CA10: variants seen among roughly 807,000 people sequenced by gnomAD.
CA10 encodes carbonic anhydrase-related protein 10.
In CA10, 14 loss-of-function variants were observed where a neutral mutation model predicts 44.2. The observed-to-expected ratio is 0.32, with a 90% CI of 0.21 to 0.50. The LOEUF (loss-of-function observed/expected upper bound fraction) is 0.50. CA10 is among the 20% of genes least tolerant of loss of function. CA10 has a pLI of 0.99. For synonymous variants in CA10, 159 were observed against 141.6 expected, an observed-to-expected ratio of 1.12 and a Z score of -0.87; for missense variants, 350 against 409.7, an observed-to-expected ratio of 0.85 and a Z score of 1.26.
At chr17:51,885,054 C>T (rs1487668905) in intron 3 of CA10, among the ~76,000 whole-genome samples, 1 of 152,216 alleles carries the variant, frequency 6.6e-6, no homozygotes, top group African/African-American at 2.4e-5. Context: ...ATCACATTCA[C>T]AAGTATCAGG....
Position 51,630,614 on chromosome 17 carries a change from T to G in CA10, c.*970A>C, listed in dbSNP as rs1309827872. On this transcript the variant is annotated 3_prime_UTR_variant, in exon 9 of 9. Coordinates refer to ENST00000451037, the MANE Select transcript of CA10 (RefSeq NM_020178.5). ...GAGTGGAATTAAAGTCATACTTGCT[T>G]AGCAAATGCATTCCTGATTGCCACA... The G allele has an allele frequency of 6.6e-6, 1 of 152,632 alleles. No individual in the cohort carries two copies. Among genetic ancestry groups the G allele is most frequent in the Admixed American group, 6.5e-5 (1 of 15,284 alleles). 9.5% of individuals were successfully genotyped at this position (152,632 alleles called of 1,614,324 possible). A position where few individuals can be genotyped will look rare whatever the true frequency, so the allele number is the denominator to read the frequency against.
chr17:51,886,215 G>A (rs1208516487), intron 3 of CA10, among the ~76,000 whole-genome samples: 1 of 152,202 alleles, frequency 6.6e-6, no homozygotes, highest in East Asian at 1.9e-4. Flanking sequence ...AGCATTGTGG[G>A]TGAATGTGGC....
Position 52,121,778 on chromosome 17 carries a change from G to T in CA10, c.61+35948C>A, listed in dbSNP as rs1989021365. Among the ~76,000 whole-genome samples, 5 of 152,192 alleles carry T rather than the reference G, an allele frequency of 3.3e-5. No individual in the cohort carries two copies. The South Asian group carries it at 1.0e-3, about 32-fold the overall frequency. ...CACAGCTCAGAACACAGTGAAAATT[G>T]TGTTACAAAAGCAAGCCCGTCTCCC... On this transcript the variant is annotated intron_variant, in intron 1 of 8. Transcript: ENST00000451037.
At chr17:51,889,552 C>G (rs1043066829) in intron 3 of CA10, among the ~76,000 whole-genome samples, 5 of 151,904 alleles carry the variant, frequency 3.3e-5, no homozygotes, top group African/African-American at 9.7e-5. Flanking sequence ...CCAAACCAAA[C>G]CAAACAAAAC....
intron 2 of CA10, among the ~76,000 whole-genome samples, chr17:52,036,249 C>G (rs1169761694): frequency 6.6e-6 from 1 of 152,166 alleles, no homozygotes; most frequent in Non-Finnish European, 1.5e-5. Context: ...TGAGATCAGA[C>G]AGCAAGTAAA....
intron 1 of CA10, among the ~76,000 whole-genome samples, chr17:52,096,448 G>A (rs1474368812): frequency 1.3e-5 from 2 of 152,124 alleles, no homozygotes; most frequent in African/African-American, 4.8e-5. Context: ...GGACACTCTG[G>A]TACATCCGAT....
At chr17:52,019,130 A>G (rs1015744669) in intron 2 of CA10, among the ~76,000 whole-genome samples, 1 of 151,960 alleles carries the variant, frequency 6.6e-6, no homozygotes. Context: ...AGACAAATAA[A>G]CCTCTTTTCT....
intron 3 of CA10, among the ~76,000 whole-genome samples, chr17:51,918,184 C>CG (rs1567884717): frequency 6.6e-6 from 1 of 152,168 alleles, no homozygotes; most frequent in Admixed American, 6.5e-5. Context: ...TAAATAGCAA[C>CG]ATACTAAGTA....
intron 7 of CA10, 78 bp downstream of exon 7, chr17:51,635,777 A>C: frequency 1.7e-6 from 2 of 1,161,634 alleles, no homozygotes; most frequent in Non-Finnish European, 2.4e-6. Context: ...AAACTATTAT[A>C]ATAGGCACTC....
rs544053816 is a variant in CA10 at position 51,696,667 on chromosome 17, G to A, written c.466-42931C>T. Among the ~76,000 whole-genome samples, 27 of 152,224 alleles carry A rather than the reference G, an allele frequency of 1.8e-4. No homozygotes were observed. The South Asian group carries it at 5.4e-3, about 30-fold the overall frequency. ...TCTTGTTTTTCTAGTTCCTCTAGGTGTGATGTTAGATTGTTAATCTGAGAT... is the reference window on the plus strand; with the variant it reads ...TCTTGTTTTTCTAGTTCCTCTAGGTATGATGTTAGATTGTTAATCTGAGAT... On this transcript the variant is annotated intron_variant, in intron 4 of 8. Transcript: ENST00000451037.
intron 4 of CA10, among the ~76,000 whole-genome samples, chr17:51,692,154 G>C (rs535407287): frequency 6.7e-6 from 1 of 148,842 alleles, no homozygotes; most frequent in Non-Finnish European, 1.5e-5. Context: ...ACAGTTTTTT[G>C]TTCCTCTTCA....
chr17:51,678,171 G>T (rs1394663026), intron 4 of CA10, among the ~76,000 whole-genome samples: 1 of 152,122 alleles, frequency 6.6e-6, no homozygotes, highest in African/African-American at 2.4e-5. Context: ...GTAAAATCTA[G>T]AACAGGTAAA....
At chr17:51,636,085 CATACAT>C (rs113563920) in intron 6 of CA10, 76 bp from the exon 7 acceptor site, 361 of 750,598 alleles carry the variant, frequency 4.8e-4, no homozygotes, top group African/African-American at 3.9e-3. Flanking sequence ...TACATACATA[CATACAT>C]ATACATATAC....
At chr17:51,882,916 A>G (rs1980439720) in intron 3 of CA10, among the ~76,000 whole-genome samples, 3 of 152,326 alleles carry the variant, frequency 2.0e-5, no homozygotes, top group Non-Finnish European at 2.9e-5. Flanking sequence ...CTCTCTTGAA[A>G]AAAGTTGTGC....
At chr17:51,988,929 G>A (rs203029) in intron 2 of CA10, among the ~76,000 whole-genome samples, 135,445 of 152,006 alleles carry the variant, frequency 0.89, 60,446 homozygotes, top group East Asian at 0.95. Context: ...TTTTTTGGAT[G>A]TCTTTGAAAT....
At chr17:51,819,120 A>G (rs943154626) in intron 3 of CA10, among the ~76,000 whole-genome samples, 2 of 152,234 alleles carry the variant, frequency 1.3e-5, no homozygotes, top group South Asian at 2.1e-4. Context: ...GAAAAACAGC[A>G]TCTTAGAAAA....
At chr17:52,116,733 C>G (rs1988905956) in intron 1 of CA10, among the ~76,000 whole-genome samples, 1 of 152,158 alleles carries the variant, frequency 6.6e-6, no homozygotes, top group African/African-American at 2.4e-5. Context: ...GGGAAAGGAA[C>G]CCAGAAGCCT....
At chr17:52,150,368 T>G (rs958306867) in intron 1 of CA10, among the ~76,000 whole-genome samples, 1 of 152,232 alleles carries the variant, frequency 6.6e-6, no homozygotes, top group Non-Finnish European at 1.5e-5. Context: ...TATCACATTC[T>G]GCTGTGACTA....
intron 1 of CA10, among the ~76,000 whole-genome samples, chr17:52,080,388 C>T (rs1234667076): frequency 6.6e-6 from 1 of 151,168 alleles, no homozygotes; most frequent in Non-Finnish European, 1.5e-5. Context: ...GGAGGCGGAG[C>T]TTGCAGTGAG....
Sources: allele counts gnomAD v4.1 joint callset (sites outside exome capture counted in the v4.1 genomes callset), GRCh38; gene constraint gnomAD v4.1.1; transcripts MANE v1.5; gene names NCBI Gene and HGNC (gene_info 2026-07-23, HGNC 2026-07-21).